The following COL22A1 variants were observed in gnomAD, a reference collection of about 807,000 sequenced individuals.
The protein encoded by COL22A1 is collagen type XXII alpha 1 chain.
COL22A1 carries 221 observed loss-of-function variants against 248.9 expected under a neutral mutation model. The observed-to-expected ratio is 0.89, with a 90% CI of 0.80 to 0.99. The LOEUF (loss-of-function observed/expected upper bound fraction) is 0.99. Ranked by LOEUF, COL22A1 falls within the 50% of genes least tolerant of loss-of-function variation. COL22A1 has a pLI of 0.00. For missense variants in COL22A1, 2,240 were observed against 2,179.0 expected, an observed-to-expected ratio of 1.03 and a Z score of -0.56; for synonymous variants, 891 against 793.4, an observed-to-expected ratio of 1.12 and a Z score of -2.07.
chr8:138,728,796 G>T (rs903261617), intron 23 of COL22A1, among the ~76,000 whole-genome samples: 1 of 152,088 alleles, frequency 6.6e-6, no homozygotes, highest in Admixed American at 6.5e-5. Flanking sequence ...CACAAATGCA[G>T]GTACACAGAA....
At chr8:138,725,573 G>T in intron 23 of COL22A1, 133 bp from the exon 24 acceptor site, 1 of 738,912 alleles carries the variant, frequency 1.4e-6, no homozygotes, top group Non-Finnish European at 2.1e-6. Context: ...TGTAATGCCT[G>T]ATTTTTCAAA....
chr8:138,660,995 T>TAC (rs879352221), intron 43 of COL22A1, among the ~76,000 whole-genome samples: 15,227 of 84,692 alleles, frequency 0.18, 1,188 homozygotes, highest in African/African-American at 0.32. Context: ...CATACACACA[T>TAC]ACACATACAC....
chr8:138,809,592 C>T (rs535140239), intron 9 of COL22A1, among the ~76,000 whole-genome samples: 1 of 143,336 alleles, frequency 7.0e-6, no homozygotes, highest in South Asian at 2.3e-4. Flanking sequence ...ACGATCTCGG[C>T]TCACTGCAAC....
At chr8:138,606,561 A>C in intron 57 of COL22A1, 109 bp from the exon 58 acceptor site, 1 of 1,047,712 alleles carries the variant, frequency 9.5e-7, no homozygotes, top group Non-Finnish European at 1.4e-6. Flanking sequence ...CATCCACACA[A>C]CACACAAATC....
At chr8:138,710,195 C>T (rs1241364934) in intron 30 of COL22A1, among the ~76,000 whole-genome samples, 7 of 152,308 alleles carry the variant, frequency 4.6e-5, no homozygotes, top group East Asian at 1.9e-4. Flanking sequence ...GTAAGGAGTA[C>T]GGTGTTATTA....
chr8:138,676,452 A>AG, intron 41 of COL22A1, 106 bp downstream of exon 41: 7 of 573,474 alleles, frequency 1.2e-5, no homozygotes, highest in African/African-American at 5.8e-5. Context: ...AAAGAAAGAA[A>AG]GAAAGGAAGA....
At chr8:138,765,827 G>A (rs190021859) in intron 16 of COL22A1, among the ~76,000 whole-genome samples, 13 of 152,334 alleles carry the variant, frequency 8.5e-5, no homozygotes, top group African/African-American at 2.4e-4. Flanking sequence ...AGGGAGAGCC[G>A]GCTGCACAGC....
intron 1 of COL22A1, among the ~76,000 whole-genome samples, chr8:138,894,944 A>G (rs1271304983): frequency 1.3e-5 from 2 of 152,092 alleles, no homozygotes; most frequent in Non-Finnish European, 2.9e-5. Context: ...CTGTAGTCCC[A>G]GCTACTCAGA....
intron 52 of COL22A1, among the ~76,000 whole-genome samples, chr8:138,622,350 T>A (rs1819874426): frequency 6.6e-6 from 1 of 152,214 alleles, no homozygotes. Context: ...GCTTTCTGAG[T>A]CACCCAGATC....
At chr8:138,867,535 C>T (rs185600867) in intron 3 of COL22A1, among the ~76,000 whole-genome samples, 4 of 152,204 alleles carry the variant, frequency 2.6e-5, no homozygotes, top group East Asian at 1.9e-4. Flanking sequence ...ACAAGGAAAC[C>T]GAGGCTCAGA....
rs996468718 is a variant in COL22A1 at position 138,679,137 on chromosome 8, C to T, written c.3072+480G>A. On this transcript the variant is annotated intron_variant, in intron 40 of 64. Transcript: ENST00000303045. Reference sequence around the variant, plus strand: ...CTCATTATGTTATCTAGGCTAGTCTCGAACTTCTGAACTCAAACAGTCCTC... The same window carrying T: ...CTCATTATGTTATCTAGGCTAGTCTTGAACTTCTGAACTCAAACAGTCCTC... 2.6e-5 allele frequency among the ~76,000 whole-genome samples: 4 copies of T among 152,054 alleles called. 1 individual carries two copies. The highest frequency in any genetic ancestry group is 1.3e-4 in the Admixed American group (2 of 15,256).
intron 11 of COL22A1, among the ~76,000 whole-genome samples, chr8:138,799,224 T>C (rs1816805683): frequency 6.6e-6 from 1 of 152,210 alleles, no homozygotes; most frequent in African/African-American, 2.4e-5. Flanking sequence ...TATGCCTTCT[T>C]TTGCTTACAT....
At chr8:138,718,934 C>A (rs1410827162) in intron 27 of COL22A1, among the ~76,000 whole-genome samples, 1 of 152,140 alleles carries the variant, frequency 6.6e-6, no homozygotes, top group African/African-American at 2.4e-5. Context: ...TAATCAATCC[C>A]CTTCATCTAC....
At chr8:138,664,195 G>GCGCA in intron 41 of COL22A1, among the ~76,000 whole-genome samples, 1 of 40,108 alleles carries the variant, frequency 2.5e-5, no homozygotes, top group East Asian at 9.9e-4. Context: ...AACAAGGGGT[G>GCGCA]CGCGCGCGCG....
chr8:138,645,808 A>G (rs562391687), intron 47 of COL22A1, among the ~76,000 whole-genome samples: 1 of 152,332 alleles, frequency 6.6e-6, no homozygotes, highest in East Asian at 1.9e-4. Flanking sequence ...ATGTCCAGCC[A>G]GGCCTCAGGA....
At chr8:138,677,182 G>A (rs1327612101) in intron 40 of COL22A1, among the ~76,000 whole-genome samples, 2 of 152,204 alleles carry the variant, frequency 1.3e-5, no homozygotes, top group African/African-American at 4.8e-5. Context: ...GGGTGTCAGA[G>A]GCCTGGATTT....
At chr8:138,752,438 C>G (rs1832679929) in intron 21 of COL22A1, among the ~76,000 whole-genome samples, 2 of 152,202 alleles carry the variant, frequency 1.3e-5, no homozygotes, top group Admixed American at 1.3e-4. Flanking sequence ...GGTCCTTTCT[C>G]TTAATAACGC....
rs572166800 is a variant in COL22A1 at position 138,688,523 on chromosome 8, GA to G, written c.2862+393del. ...GTGGCAGAGTGAGACCCTGTCTCAAGAAAAAAAAAAAATCTCATAGCTTGGG... is the reference window on the plus strand; with the variant it reads ...GTGGCAGAGTGAGACCCTGTCTCAAGAAAAAAAAAAATCTCATAGCTTGGG... On this transcript the variant is annotated intron_variant, in intron 37 of 64. Coordinates refer to ENST00000303045, the MANE Select transcript of COL22A1 (RefSeq NM_152888.3). Among the ~76,000 whole-genome samples the G allele has an allele frequency of 4.9e-3, 698 of 143,366 alleles. 2 individuals carry two copies. Among genetic ancestry groups the G allele is most frequent in the African/African-American group, 0.015 (586 of 39,406 alleles). The allele number at this position is 143,366 out of a possible 152,430, so 94.1% of individuals were successfully genotyped here. A position where few individuals can be genotyped will look rare whatever the true frequency, so the allele number is the denominator to read the frequency against.
chr8:138,782,853 A>C (rs936075014), intron 12 of COL22A1, among the ~76,000 whole-genome samples: 2 of 152,132 alleles, frequency 1.3e-5, no homozygotes, highest in African/African-American at 4.8e-5. Flanking sequence ...CCACCAGCGC[A>C]CCTGTGGCCT....
Sources: gnomAD v4.1 joint callset for allele counts (sites outside exome capture counted in the v4.1 genomes callset) on GRCh38, gnomAD v4.1.1 for gene constraint, MANE v1.5 for transcripts, NCBI Gene and HGNC (gene_info 2026-07-23, HGNC 2026-07-21) for gene names.